Variants in DZIP3 observed in about 807,000 individuals in gnomAD.
The protein encoded by DZIP3 is E3 ubiquitin-protein ligase DZIP3.
DZIP3 carries 118 observed loss-of-function variants against 162.0 expected under a neutral mutation model. The observed-to-expected ratio is 0.73, with a 90% CI of 0.63 to 0.85. DZIP3 has a LOEUF of 0.85. DZIP3 is among the 40% of genes least tolerant of loss of function. The pLI, the probability that DZIP3 is intolerant of heterozygous loss-of-function variation, is 0.00. For missense variants in DZIP3, 1,331 were observed against 1,407.0 expected, an observed-to-expected ratio of 0.95 and a Z score of 0.86; for synonymous variants, 438 against 458.6, an observed-to-expected ratio of 0.96 and a Z score of 0.57.
chr3:108,616,550 G>A lies in DZIP3; in HGVS notation c.268G>A (p.Ala90Thr). The stretch of plus-strand genomic sequence containing the variant: ...GAATAATTTTCCACAGAGAGAAGTT[G>A]CAGCTAACAGCCAGAATGGTGAGGA... ...FSFQTMQREVAANSQNGEEIV... is the reference protein window; with the variant it reads ...FSFQTMQREVTANSQNGEEIV... The change falls in exon 5 of 33, where the codon GCA becomes ACA. Residue 90 changes from alanine (A) to threonine (T), a missense_variant. Transcript: ENST00000361582. 3 of 1,606,288 alleles carry A rather than the reference G, an allele frequency of 1.9e-6. No homozygotes were observed. Among genetic ancestry groups the A allele is most frequent in the Non-Finnish European group, 2.5e-6 (3 of 1,176,556 alleles).
chr3:108,593,450 C>T (rs1238371864), intron 1 of DZIP3, among the ~76,000 whole-genome samples: 1 of 152,042 alleles, frequency 6.6e-6, no homozygotes, highest in Non-Finnish European at 1.5e-5. Context: ...CATAAGTGAG[C>T]ATTTTCAGTA....
Position 108,676,311 on chromosome 3 carries a change from TA to T in DZIP3, c.2781+442del, listed in dbSNP as rs1291664436. ...CTGGACAATAGAGTGAGACTCTCTC[TA>T]AAACAAAATTTGGAATAAAAACTAA... On this transcript the variant is annotated intron_variant, in intron 25 of 32. Transcript: ENST00000361582. 2.0e-5 allele frequency among the ~76,000 whole-genome samples: 3 copies of T among 152,050 alleles called. No homozygotes were observed. The South Asian group carries it at 6.2e-4, about 32-fold the overall frequency.
At chr3:108,589,511 G>T (rs1231839144), upstream of DZIP3, 1 of 606,436 alleles carries the variant, frequency 1.6e-6, no homozygotes, top group African/African-American at 1.9e-5. Context: ...GGCTCCGGAA[G>T]TCCCTAGGCA....
intron 26 of DZIP3, among the ~76,000 whole-genome samples, chr3:108,679,757 GA>G (rs1232691476): frequency 1.3e-5 from 2 of 152,218 alleles, no homozygotes; most frequent in East Asian, 3.9e-4. Flanking sequence ...AGTGAATTAG[GA>G]AATTGTACTG....
chr3:108,597,878 T>C (rs1939791811), intron 1 of DZIP3, among the ~76,000 whole-genome samples: 1 of 152,218 alleles, frequency 6.6e-6, no homozygotes, highest in Non-Finnish European at 1.5e-5. Context: ...TTTTACTGTT[T>C]TAGGGCTATG....
Position 108,629,195 on chromosome 3 carries a change from G to A in DZIP3, c.696+19G>A. 6.8e-7 allele frequency: 1 copy of A among 1,465,618 alleles called. No homozygotes were observed. The highest frequency in any genetic ancestry group is 9.3e-7 in the Non-Finnish European group (1 of 1,075,178). 90.8% of individuals were successfully genotyped at this position (1,465,618 alleles called of 1,614,324 possible). The stretch of plus-strand genomic sequence containing the variant: ...TTTTAAAGTAAGAAATTATTTAAGA[G>A]TAACATTTTATTTGTAACTAATCAG... On this transcript the variant is annotated intron_variant, in intron 8 of 32. Transcript: ENST00000361582.
At chr3:108,646,225 G>A (rs891484377) in intron 14 of DZIP3, among the ~76,000 whole-genome samples, 12 of 152,166 alleles carry the variant, frequency 7.9e-5, no homozygotes, top group African/African-American at 2.9e-4. Context: ...TAATGGGCAA[G>A]GAGAGCAAGT....
At chr3:108,604,928 A>C (rs1341987782) in intron 1 of DZIP3, among the ~76,000 whole-genome samples, 2 of 152,206 alleles carry the variant, frequency 1.3e-5, no homozygotes, top group African/African-American at 4.8e-5. Context: ...AATTGAGTTT[A>C]TCATGGAACT....
chr3:108,677,371 A>G (rs967412596), intron 25 of DZIP3, 126 bp from the exon 26 acceptor site: 3 of 593,536 alleles, frequency 5.1e-6, no homozygotes, highest in African/African-American at 1.9e-5. Context: ...CTGTTTTTAT[A>G]TTATTTCTGA....
In DZIP3 at chr3:108,659,019, A is replaced by G. The variant is rs1576431977; in HGVS notation, c.2200-2858A>G. ...AATTAATAGCTTACCAACCAAAAAA[A>G]AGTCCAGGACCAGATGGATTCACAG... On this transcript the variant is annotated intron_variant, in intron 19 of 32. Coordinates refer to ENST00000361582, the MANE Select transcript of DZIP3 (RefSeq NM_014648.4). Among the ~76,000 whole-genome samples the G allele has an allele frequency of 2.0e-5, 3 of 152,296 alleles. No individual in the cohort carries two copies. In the Middle Eastern group the frequency reaches 0.01, roughly 518 times the overall value.
intron 26 of DZIP3, among the ~76,000 whole-genome samples, chr3:108,678,792 A>G (rs1244253126): frequency 6.6e-6 from 1 of 151,682 alleles, no homozygotes; most frequent in Non-Finnish European, 1.5e-5. Flanking sequence ...TGATATCACC[A>G]CTCCTGCTTA....
chr3:108,594,832 A>G (rs1384840103), intron 1 of DZIP3, among the ~76,000 whole-genome samples: 1 of 152,104 alleles, frequency 6.6e-6, no homozygotes, highest in East Asian at 1.9e-4. Flanking sequence ...ATTTTATGCC[A>G]TGTATTTTAT....
chr3:108,691,280 G>C (rs1456036265), intron 32 of DZIP3: 1 of 162,634 alleles, frequency 6.1e-6, no homozygotes, highest in African/African-American at 2.4e-5. Context: ...AAGGGAAATA[G>C]TAAAGAAGTA....
In DZIP3 at chr3:108,674,180, A is replaced by AGGT; in HGVS notation, c.2693_2693+2dup. 6.2e-7 allele frequency: 1 copy of AGGT among 1,611,774 alleles called. No homozygotes were observed. The highest frequency in any genetic ancestry group is 1.1e-5 in the South Asian group (1 of 90,984). On this transcript the variant is annotated protein_altering_variant and splice_region_variant, in exon 24 of 33. Coordinates refer to ENST00000361582, the MANE Select transcript of DZIP3 (RefSeq NM_014648.4). ...TGCCAGGGTGACTCACATGGCAGCA[A>AGGT]GGTAACCTTTCCCTCTTCCTTAATG...
At chr3:108,605,289 AGAGT>A in intron 1 of DZIP3, 42 bp from the exon 2 acceptor site, 1 of 1,314,686 alleles carries the variant, frequency 7.6e-7, no homozygotes, top group South Asian at 1.3e-5. Flanking sequence ...GTGGGGAGAA[AGAGT>A]GTAACTTTCC....
At chr3:108,591,152 A>G (rs567982239) in intron 1 of DZIP3, among the ~76,000 whole-genome samples, 11 of 152,232 alleles carry the variant, frequency 7.2e-5, no homozygotes, top group Non-Finnish European at 1.0e-4. Context: ...AAAGGTTTTT[A>G]GATAGAGGAA....
chr3:108,688,550 T>C, intron 29 of DZIP3, 43 bp from the exon 30 acceptor site: 1 of 1,589,468 alleles, frequency 6.3e-7, no homozygotes, highest in Non-Finnish European at 8.6e-7. Context: ...CTTACTGTTT[T>C]AGGATAATTC....
At position 108,646,573 on chromosome 3, in the gene DZIP3, G is replaced by A. The variant is rs766554645; in HGVS notation, c.1760-44G>A. The A allele has an allele frequency of 1.0e-5, 14 of 1,359,494 alleles. No individual in the cohort carries two copies. In the South Asian group the frequency reaches 1.7e-4, roughly 16 times the overall value. The allele number at this position is 1,359,494 out of a possible 1,614,324, so 84.2% of individuals were successfully genotyped here. On this transcript the variant is annotated intron_variant, in intron 14 of 32. Coordinates refer to ENST00000361582, the MANE Select transcript of DZIP3 (RefSeq NM_014648.4). ...AATCCTAGCCAGACATTCATTTGTTGCGTTTGCAATTGTACATCTAAAATT... is the reference window on the plus strand; with the variant it reads ...AATCCTAGCCAGACATTCATTTGTTACGTTTGCAATTGTACATCTAAAATT...
intron 19 of DZIP3, among the ~76,000 whole-genome samples, chr3:108,658,554 G>T (rs1441502836): frequency 6.6e-6 from 1 of 151,868 alleles, no homozygotes; most frequent in African/African-American, 2.4e-5. Flanking sequence ...ATCTAAAATT[G>T]ACACCCTAAC....
Sources: gnomAD v4.1 joint callset for allele counts (sites outside exome capture counted in the v4.1 genomes callset) on GRCh38, gnomAD v4.1.1 for gene constraint, MANE v1.5 for transcripts, NCBI Gene and HGNC (gene_info 2026-07-23, HGNC 2026-07-21) for gene names.